PCDHGA4: variants seen among roughly 807,000 people sequenced by gnomAD.
PCDHGA4 encodes the protein protocadherin gamma-A4.
In PCDHGA4, 38 loss-of-function variants were observed where a neutral mutation model predicts 54.6. The observed-to-expected ratio is 0.70, with a 90% CI of 0.54 to 0.91. PCDHGA4 has a LOEUF of 0.91. Ranked by LOEUF, PCDHGA4 falls within the 40% of genes least tolerant of loss-of-function variation. PCDHGA4 has a pLI of 0.00. For synonymous variants in PCDHGA4, 511 were observed against 512.9 expected (o/e 1.00, Z 0.05); for missense variants, 1,298 against 1,220.9 (o/e 1.06, Z -0.94).
rs1288071067 is a variant in PCDHGA4 at position 141,404,171 on chromosome 5, GC to G, written c.2514+46553del. ...AGAAGATTATTACAGATTGTTGACG[GC>G]CCAAATTCTTGACCGAGAAAAAGCC... On this transcript the variant is annotated intron_variant, in intron 1 of 3. Coordinates refer to ENST00000571252, the MANE Select transcript of PCDHGA4 (RefSeq NM_018917.4). 5.6e-6 allele frequency: 9 copies of G among 1,612,616 alleles called. No homozygotes were observed. The African/African-American group carries it at 9.4e-5, about 17-fold the overall frequency.
chr5:141,422,298 T>G, intron 1 of PCDHGA4: 1 of 1,549,054 alleles, frequency 6.5e-7, no homozygotes, highest in Non-Finnish European at 8.7e-7. Flanking sequence ...TTAATTCAAT[T>G]CTGGAAAACT....
chr5:141,388,412 T>A, intron 1 of PCDHGA4: 1 of 1,613,870 alleles, frequency 6.2e-7, no homozygotes, highest in Non-Finnish European at 8.5e-7. Context: ...GTCCCAGTGA[T>A]CATTTCTCAC....
chr5:141,366,300 C>T (rs761287216), intron 1 of PCDHGA4: 8 of 1,613,654 alleles, frequency 5.0e-6, no homozygotes, highest in Non-Finnish European at 6.8e-6. Flanking sequence ...CTGTCAGCCA[C>T]CTTCACGGTC....
intron 1 of PCDHGA4, chr5:141,388,282 T>A: frequency 6.2e-7 from 1 of 1,613,222 alleles, no homozygotes; most frequent in South Asian, 1.1e-5. Context: ...ACGCCAAAAT[T>A]CACGCAAAAT....
chr5:141,374,243 C>A, intron 1 of PCDHGA4: 1 of 1,614,000 alleles, frequency 6.2e-7, no homozygotes, highest in Non-Finnish European at 8.5e-7. Flanking sequence ...GGATCTGGGA[C>A]TGGAGCCCCA....
At chr5:141,471,075 G>T (rs574363005) in intron 1 of PCDHGA4, among the ~76,000 whole-genome samples, 1 of 143,346 alleles carries the variant, frequency 7.0e-6, no homozygotes, top group East Asian at 2.0e-4. Context: ...TTGAGACAGG[G>T]TCTCCCTCTG....
At position 141,498,920 on chromosome 5, in the gene PCDHGA4, G is replaced by A. The variant is rs930391165; in HGVS notation, c.2573+4055G>A. On this transcript the variant is annotated intron_variant, in intron 2 of 3. Transcript: ENST00000571252. ...TGCACTCCAGTCTGGGTGACAGAGC[G>A]AGACTCCATCAGGAAAGAAAGAAAG... 3.3e-4 allele frequency among the ~76,000 whole-genome samples: 47 copies of A among 142,950 alleles called. 1 individual carries two copies. Among genetic ancestry groups the A allele is most frequent in the African/African-American group, 8.9e-4 (35 of 39,160 alleles). The allele number at this position is 142,950 out of a possible 152,430, so 93.8% of individuals were successfully genotyped here. A position where few individuals can be genotyped will look rare whatever the true frequency, so the allele number is the denominator to read the frequency against.
In PCDHGA4 at chr5:141,485,910, G is replaced by C. The variant is rs142273728; in HGVS notation, c.2515-8897G>C. On this transcript the variant is annotated intron_variant, in intron 1 of 3. Transcript: ENST00000571252. The surrounding 1 kb of genome is among the most constrained non-coding windows in gnomAD (Gnocchi z 5.7). ...AACGCCCCAGCCTTCCAGCAATCCAGCTACAGGATTAGTGTGTTGGAGAGC... is the reference window on the plus strand; with the variant it reads ...AACGCCCCAGCCTTCCAGCAATCCACCTACAGGATTAGTGTGTTGGAGAGC... The C allele has an allele frequency of 1.2e-6, 2 of 1,614,078 alleles. No homozygotes were observed. Among genetic ancestry groups the C allele is most frequent in the African/African-American group, 2.7e-5 (2 of 74,932 alleles).
rs562872139 is a variant in PCDHGA4 at position 141,408,923 on chromosome 5, G to A, written c.2514+51302G>A. The A allele has an allele frequency of 5.6e-6, 9 of 1,613,488 alleles. No individual in the cohort carries two copies. The African/African-American group carries it at 1.1e-4, about 19-fold the overall frequency. ...CAAGGATACCAATGATAACCCCCCG[G>A]TTTTCAGCAGAGACGAATATAGAAT... On this transcript the variant is annotated intron_variant, in intron 1 of 3. Coordinates refer to ENST00000571252, the MANE Select transcript of PCDHGA4 (RefSeq NM_018917.4).
chr5:141,389,248 A>G (rs757462176), intron 1 of PCDHGA4: 45 of 1,613,918 alleles, frequency 2.8e-5, no homozygotes, highest in African/African-American at 6.7e-5. Flanking sequence ...CAGTCTTCCT[A>G]TATAGTCCAC....
chr5:141,492,146 C>T (rs979485619), intron 1 of PCDHGA4, among the ~76,000 whole-genome samples: 3 of 152,242 alleles, frequency 2.0e-5, no homozygotes, highest in African/African-American at 4.8e-5. Flanking sequence ...TGTGACTTCA[C>T]TGTTACCCTC....
In PCDHGA4 at chr5:141,355,995, A is replaced by G; in HGVS notation, c.888A>G (p.Lys296=). 1 of 1,613,888 alleles carries G rather than the reference A, an allele frequency of 6.2e-7. No homozygotes were observed. The highest frequency in any genetic ancestry group is 1.1e-5 in the South Asian group (1 of 91,066). The change falls in exon 1 of 4, where the codon AAA becomes AAG. Residue 296 remains lysine (K), a synonymous_variant. Transcript: ENST00000571252. ...VPVGTRLLTV[K]ATDPDEGANG... ...TAGGCACTCGGCTACTCACCGTAAA[A>G]GCCACTGATCCAGATGAAGGAGCCA...
chr5:141,429,698 A>G (rs1436698608), intron 1 of PCDHGA4, among the ~76,000 whole-genome samples: 2 of 152,228 alleles, frequency 1.3e-5, no homozygotes, highest in Admixed American at 6.5e-5. Flanking sequence ...ATATCTTTAC[A>G]GTATAAATAT....
At chr5:141,372,320 G>A (rs924868595) in intron 1 of PCDHGA4, 2 of 1,613,612 alleles carry the variant, frequency 1.2e-6, no homozygotes, top group Non-Finnish European at 1.7e-6. Context: ...GCCAGCGCCT[G>A]CTGGTCACTG....
At position 141,490,171 on chromosome 5, in the gene PCDHGA4, G is replaced by A. The variant is rs374421995; in HGVS notation, c.2515-4636G>A. 4 of 1,614,100 alleles carry A rather than the reference G, an allele frequency of 2.5e-6. No individual in the cohort carries two copies. The highest frequency in any genetic ancestry group is 3.4e-6 in the Non-Finnish European group (4 of 1,180,034). On this transcript the variant is annotated intron_variant, in intron 1 of 3. Coordinates refer to ENST00000571252, the MANE Select transcript of PCDHGA4 (RefSeq NM_018917.4). The surrounding 1 kb of genome is among the most constrained non-coding windows in gnomAD (Gnocchi z 5.4). ...CCATGTGTTGGGTCCCATAGACTTT[G>A]AGGAGTCACGTTTCTATGAAATTCA...
At chr5:141,388,459 C>G in intron 1 of PCDHGA4, 1 of 1,613,696 alleles carries the variant, frequency 6.2e-7, no homozygotes, top group Non-Finnish European at 8.5e-7. Flanking sequence ...AGTAAATACC[C>G]TGAGATGGTA....
At chr5:141,378,101 A>C (rs1018772587) in intron 1 of PCDHGA4, 21 of 152,208 alleles carry the variant, frequency 1.4e-4, no homozygotes, top group Admixed American at 1.0e-3. Flanking sequence ...TCAAACTCTA[A>C]AGCAGCATAG....
intron 1 of PCDHGA4, among the ~76,000 whole-genome samples, chr5:141,459,937 G>A (rs904431112): frequency 6.6e-6 from 1 of 152,132 alleles, no homozygotes; most frequent in Non-Finnish European, 1.5e-5. Flanking sequence ...TTGTAGCTGG[G>A]CGTGATGGCA....
At chr5:141,422,074 C>A (rs886758924) in intron 1 of PCDHGA4, 1 of 1,612,264 alleles carries the variant, frequency 6.2e-7, no homozygotes, top group African/African-American at 1.3e-5. Flanking sequence ...GTATTCATTT[C>A]GGAACATGGA....
Sources: allele counts gnomAD v4.1 joint callset (sites outside exome capture counted in the v4.1 genomes callset), GRCh38; gene constraint gnomAD v4.1.1; non-coding constraint Gnocchi (gnomAD v3.1); transcripts MANE v1.5; gene names NCBI Gene and HGNC (gene_info 2026-07-23, HGNC 2026-07-21).